GREM2: variants seen among roughly 807,000 people sequenced by gnomAD.
The protein encoded by GREM2 is gremlin 2, DAN family BMP antagonist, also known as gremlin-2.
GREM2 carries 11 observed loss-of-function variants against 14.2 expected under a neutral mutation model. The ratio of observed to expected loss-of-function variants is 0.78; its 90% CI spans 0.49 to 1.28. GREM2 has a LOEUF of 1.28. Ranked by LOEUF, GREM2 falls within the 50% of genes most tolerant of loss-of-function variation. GREM2 has a pLI of 0.00. For missense variants in GREM2, 210 were observed against 218.5 expected (o/e 0.96, Z 0.24); for synonymous variants, 98 against 97.6 (o/e 1.00, Z -0.02).
chr1:240,556,007 GT>G (rs1422649205), intron 1 of GREM2, among the ~76,000 whole-genome samples: 1 of 152,128 alleles, frequency 6.6e-6, no homozygotes. Flanking sequence ...GGTTTTAAGA[GT>G]TTCTAGTAGA....
intron 1 of GREM2, among the ~76,000 whole-genome samples, chr1:240,497,894 C>T (rs1031773788): frequency 6.6e-6 from 1 of 152,068 alleles, no homozygotes; most frequent in African/African-American, 2.4e-5. Context: ...TATTTTGGTT[C>T]CATTTTAATA....
chr1:240,575,326 C>G (rs1011086672), intron 1 of GREM2, among the ~76,000 whole-genome samples: 1 of 150,472 alleles, frequency 6.6e-6, no homozygotes, highest in African/African-American at 2.5e-5. Context: ...AGTCTTGTCC[C>G]TTTTATTTCT....
At chr1:240,564,004 G>T (rs944437833) in intron 1 of GREM2, among the ~76,000 whole-genome samples, 1 of 152,294 alleles carries the variant, frequency 6.6e-6, no homozygotes, top group East Asian at 1.9e-4. Flanking sequence ...GAGCCCAGGA[G>T]TTCAAGGCCA....
intron 1 of GREM2, among the ~76,000 whole-genome samples, chr1:240,550,713 T>C (rs972932854): frequency 1.3e-5 from 2 of 152,230 alleles, no homozygotes; most frequent in Non-Finnish European, 2.9e-5. Flanking sequence ...ATATTCACAT[T>C]GGCTACTGAG....
At chr1:240,509,277 G>C (rs902001737) in intron 1 of GREM2, among the ~76,000 whole-genome samples, 2 of 152,052 alleles carry the variant, frequency 1.3e-5, no homozygotes, top group African/African-American at 4.8e-5. Flanking sequence ...TGTGAACCAG[G>C]GACCTGGCTC....
intron 1 of GREM2, among the ~76,000 whole-genome samples, chr1:240,582,793 G>A (rs1311352815): frequency 1.5e-5 from 2 of 131,258 alleles, no homozygotes; most frequent in Non-Finnish European, 1.5e-5. Flanking sequence ...GCAAAACTCT[G>A]TCTCAAAAAA....
chr1:240,514,517 A>G (rs1421875107), intron 1 of GREM2, among the ~76,000 whole-genome samples: 2 of 152,328 alleles, frequency 1.3e-5, no homozygotes, highest in South Asian at 4.1e-4. Flanking sequence ...AGTTAGGGAT[A>G]CGGATGAACA....
chr1:240,578,405 T>C (rs988369991), intron 1 of GREM2, among the ~76,000 whole-genome samples: 2 of 152,082 alleles, frequency 1.3e-5, no homozygotes, highest in South Asian at 4.2e-4. Flanking sequence ...GGATTACAGG[T>C]GTGAGCCACT....
intron 1 of GREM2, among the ~76,000 whole-genome samples, chr1:240,590,103 C>G (rs1233410650): frequency 6.6e-6 from 1 of 152,156 alleles, no homozygotes; most frequent in Non-Finnish European, 1.5e-5. Flanking sequence ...GAACAGTTAT[C>G]TGTGAGCAGG....
At chr1:240,563,010 GTATGTGTGTA>G (rs1357423570) in intron 1 of GREM2, among the ~76,000 whole-genome samples, 1 of 149,828 alleles carries the variant, frequency 6.7e-6, no homozygotes, top group Non-Finnish European at 1.5e-5. Flanking sequence ...ATATGTGAGT[GTATGTGTGTA>G]TGTGTGTATA....
chr1:240,552,953 A>G (rs16840366), intron 1 of GREM2, among the ~76,000 whole-genome samples: 54,910 of 151,726 alleles, frequency 0.36, 10,110 homozygotes, highest in East Asian at 0.54. Context: ...TAAGCCTTTC[A>G]TCCCCTTTCT....
intron 1 of GREM2, among the ~76,000 whole-genome samples, chr1:240,552,263 TA>T (rs1286275884): frequency 1.3e-5 from 2 of 152,158 alleles, no homozygotes; most frequent in Admixed American, 1.3e-4. Context: ...TTTCATTTTC[TA>T]AAAAACACAT....
intron 1 of GREM2, among the ~76,000 whole-genome samples, chr1:240,501,761 T>C (rs935633228): frequency 6.6e-6 from 1 of 152,110 alleles, no homozygotes; most frequent in African/African-American, 2.4e-5. Context: ...TTCTCTGGGT[T>C]CTCCCCTGTA....
intron 1 of GREM2, among the ~76,000 whole-genome samples, chr1:240,576,586 G>A (rs1034905206): frequency 6.6e-6 from 1 of 152,222 alleles, no homozygotes; most frequent in Admixed American, 6.5e-5. Flanking sequence ...AACAACCCTG[G>A]TTGACCTAGT....
At chr1:240,521,391 A>AC (rs1678088088) in intron 1 of GREM2, among the ~76,000 whole-genome samples, 3 of 151,764 alleles carry the variant, frequency 2.0e-5, no homozygotes, top group Admixed American at 1.3e-4. Context: ...ACACGGTGAA[A>AC]CCCCGTCTCT....
At position 240,492,931 on chromosome 1, in the gene GREM2, C is replaced by G. The variant is rs749852076; in HGVS notation, c.*38G>C. The stretch of plus-strand genomic sequence containing the variant: ...GGCGGCGGCGGCGCCACCCAGCGGC[C>G]GGGCGCGCGCGGGGCTGAGCTGCGT... On this transcript the variant is annotated 3_prime_UTR_variant, in exon 2 of 2. Transcript: ENST00000318160. 7.2e-7 allele frequency: 1 copy of G among 1,395,834 alleles called. No homozygotes were observed. Among genetic ancestry groups the G allele is most frequent in the Non-Finnish European group, 9.3e-7 (1 of 1,074,072 alleles). The allele number at this position is 1,395,834 out of a possible 1,614,324, so 86.5% of individuals were successfully genotyped here.
chr1:240,588,974 T>C (rs1360815192), intron 1 of GREM2: 1 of 151,488 alleles, frequency 6.6e-6, no homozygotes, highest in Admixed American at 6.6e-5. Context: ...AAATTAAAAA[T>C]TAGCTGGGCT....
intron 1 of GREM2, among the ~76,000 whole-genome samples, chr1:240,611,507 C>A (rs1423125601): frequency 6.6e-6 from 1 of 152,102 alleles, no homozygotes; most frequent in Admixed American, 6.6e-5. Flanking sequence ...AGGTTCGTAG[C>A]CCGCTTTCTA....
intron 1 of GREM2, among the ~76,000 whole-genome samples, chr1:240,508,344 G>A (rs1572370092): frequency 6.6e-6 from 1 of 152,190 alleles, no homozygotes; most frequent in Admixed American, 6.5e-5. Context: ...TTGAGAAGGG[G>A]AACGTCTGGG....
Sources: allele counts gnomAD v4.1 joint callset (sites outside exome capture counted in the v4.1 genomes callset), GRCh38; gene constraint gnomAD v4.1.1; transcripts MANE v1.5; gene names NCBI Gene and HGNC (gene_info 2026-07-23, HGNC 2026-07-21).